WIPI2: variants seen among roughly 807,000 people sequenced by gnomAD.
The protein encoded by WIPI2 is WD repeat domain phosphoinositide-interacting protein 2.
Under a neutral mutation model 52.3 loss-of-function variants are expected in WIPI2, and 28 were observed. The ratio of observed to expected loss-of-function variants is 0.54; its 90% CI spans 0.40 to 0.73. The LOEUF (loss-of-function observed/expected upper bound fraction) is 0.73, where lower values mean the gene tolerates loss of function less well. Among genes scored for constraint, WIPI2 ranks in the 30% least tolerant of loss-of-function variants. The pLI is 0.00. For missense variants in WIPI2, 506 were observed against 602.9 expected, an observed-to-expected ratio of 0.84 and a Z score of 1.68; for synonymous variants, 268 against 245.0, an observed-to-expected ratio of 1.09 and a Z score of -0.88.
At chr7:5,212,568 CTT>C (rs1782609761) in intron 3 of WIPI2, among the ~76,000 whole-genome samples, 2 of 152,220 alleles carry the variant, frequency 1.3e-5, no homozygotes, top group South Asian at 4.1e-4. Flanking sequence ...GGGTCTCGCT[CTT>C]TTGCCCAGGC....
intron 8 of WIPI2, among the ~76,000 whole-genome samples, chr7:5,223,458 A>T (rs1245268926): frequency 2.0e-5 from 3 of 152,048 alleles, no homozygotes; most frequent in Non-Finnish European, 2.9e-5. Context: ...GGTGCACCTC[A>T]GTATCCCCAA....
intron 3 of WIPI2, chr7:5,214,046 C>G (rs577346056): frequency 5.2e-4 from 121 of 230,602 alleles, no homozygotes; most frequent in Non-Finnish European, 8.9e-4. Flanking sequence ...ATAGCGACAT[C>G]TTTTTAATAA....
Position 5,190,367 on chromosome 7 carries a change from C to T in WIPI2, c.-53C>T, listed in dbSNP as rs932431860. 4.7e-6 allele frequency: 6 copies of T among 1,276,232 alleles called. No homozygotes were observed. The highest frequency in any genetic ancestry group is 3.4e-5 in the East Asian group (1 of 29,624). 79.1% of individuals were successfully genotyped at this position (1,276,232 alleles called of 1,614,324 possible). A position where few individuals can be genotyped will look rare whatever the true frequency, so the allele number is the denominator to read the frequency against. On this transcript the variant is annotated 5_prime_UTR_variant, in exon 1 of 13. Coordinates refer to ENST00000288828, the MANE Select transcript of WIPI2 (RefSeq NM_015610.4). Reference sequence around the variant, plus strand: ...CGCCGACCCTGAGTGCAGCCTGACCCGCCCTCGCGCGCGCGCCCTCCCCGG... The same window carrying T: ...CGCCGACCCTGAGTGCAGCCTGACCTGCCCTCGCGCGCGCGCCCTCCCCGG...
chr7:5,203,626 T>A (rs1197539623), intron 3 of WIPI2, among the ~76,000 whole-genome samples: 1 of 14,180 alleles, frequency 7.1e-5, no homozygotes, highest in Non-Finnish European at 2.7e-4. Context: ...ACGTTCAGCC[T>A]TTTTTTTTTT....
chr7:5,197,154 A>T (rs1382784954), intron 2 of WIPI2, among the ~76,000 whole-genome samples: 1 of 150,898 alleles, frequency 6.6e-6, no homozygotes, highest in African/African-American at 2.4e-5. Context: ...AAACCATAAA[A>T]TAAATAAACT....
At chr7:5,217,814 T>C (rs1241721315) in intron 6 of WIPI2, 108 bp from the exon 7 acceptor site, 7 of 1,041,234 alleles carry the variant, frequency 6.7e-6, no homozygotes, top group Non-Finnish European at 9.0e-6. Context: ...GTTTGGACCG[T>C]AATGGTGTTT....
chr7:5,201,251 G>T (rs375410333), intron 3 of WIPI2, among the ~76,000 whole-genome samples: 101 of 152,352 alleles, frequency 6.6e-4, no homozygotes, highest in African/African-American at 2.4e-3. Flanking sequence ...TTAAATTGTT[G>T]CTGGAGTCAC....
chr7:5,227,470 G>A lies in WIPI2; in HGVS notation c.1013+126G>A, dbSNP rs542272587. Reference sequence around the variant, plus strand: ...AGCTTCTTAGAGCCGACACTCCATCGAGAGTTGTCGGGGATGGGAGGTCCC... The same window carrying A: ...AGCTTCTTAGAGCCGACACTCCATCAAGAGTTGTCGGGGATGGGAGGTCCC... On this transcript the variant is annotated intron_variant, in intron 10 of 12. Transcript: ENST00000288828. The surrounding 1 kb of genome is among the most constrained non-coding windows in gnomAD (Gnocchi z 8.1). 16 of 1,333,916 alleles carry A rather than the reference G, an allele frequency of 1.2e-5. No homozygotes were observed. In the South Asian group the frequency reaches 1.5e-4, roughly 12 times the overall value. The allele number at this position is 1,333,916 out of a possible 1,614,324, so 82.6% of individuals were successfully genotyped here. A position where few individuals can be genotyped will look rare whatever the true frequency, so the allele number is the denominator to read the frequency against.
rs1491522716 is a variant in WIPI2 at position 5,230,119 on chromosome 7, CTG to C, written c.1252+382_1252+383del. ...AAATGTCATCCTGGCTCAGGTGACTCTGGGGTCACGTGACTTGGGCCCAGACT... is the reference window on the plus strand; with the variant it reads ...AAATGTCATCCTGGCTCAGGTGACTCGGGTCACGTGACTTGGGCCCAGACT... On this transcript the variant is annotated intron_variant, in intron 12 of 12. Transcript: ENST00000288828. The surrounding 1 kb of genome is among the most constrained non-coding windows in gnomAD (Gnocchi z 4.8). Among the ~76,000 whole-genome samples, 5 of 152,088 alleles carry C rather than the reference CTG, an allele frequency of 3.3e-5. No individual in the cohort carries two copies. The highest frequency in any genetic ancestry group is 7.4e-5 in the Non-Finnish European group (5 of 67,994).
chr7:5,206,703 C>T (rs182093530), intron 3 of WIPI2, among the ~76,000 whole-genome samples: 32 of 152,260 alleles, frequency 2.1e-4, no homozygotes. Context: ...CACTTAGATT[C>T]TTCCCTTGAC....
At chr7:5,211,712 G>A (rs551390742) in intron 3 of WIPI2, among the ~76,000 whole-genome samples, 1 of 152,146 alleles carries the variant, frequency 6.6e-6, no homozygotes, top group African/African-American at 2.4e-5. Flanking sequence ...CCAGTTTTGT[G>A]TATACCAGGT....
chr7:5,201,410 T>C (rs1311664381), intron 3 of WIPI2, among the ~76,000 whole-genome samples: 1 of 152,260 alleles, frequency 6.6e-6, no homozygotes, highest in Non-Finnish European at 1.5e-5. Context: ...TCCCAGAGAT[T>C]TTTAGTGGAA....
At position 5,232,350 on chromosome 7, in the gene WIPI2, C is replaced by T. The variant is rs150821649; in HGVS notation, c.*1403C>T. 81 of 398,616 alleles carry T rather than the reference C, an allele frequency of 2.0e-4. No individual in the cohort carries two copies. The highest frequency in any genetic ancestry group is 2.0e-3 in the East Asian group (57 of 28,076). The allele number at this position is 398,616 out of a possible 1,614,324, so 24.7% of individuals were successfully genotyped here. ...AGCTGAGCGGCTGCGGTGAAATGCC[C>T]CAGTGTTCCTGGGTTGGCTTTACGG... On this transcript the variant is annotated 3_prime_UTR_variant, in exon 13 of 13. Coordinates refer to ENST00000288828, the MANE Select transcript of WIPI2 (RefSeq NM_015610.4).
intron 10 of WIPI2, 66 bp from the exon 11 acceptor site, chr7:5,228,038 C>T: frequency 6.6e-7 from 1 of 1,507,912 alleles, no homozygotes; most frequent in Non-Finnish European, 9.2e-7. Context: ...AAAAGTGAGG[C>T]CGCCATGTAG....
At position 5,230,687 on chromosome 7, in the gene WIPI2, A is replaced by T; in HGVS notation, c.1253-148A>T. 1.9e-6 allele frequency: 1 copy of T among 514,682 alleles called. No homozygotes were observed. Among genetic ancestry groups the T allele is most frequent in the Non-Finnish European group, 3.4e-6 (1 of 297,160 alleles). The allele number at this position is 514,682 out of a possible 1,614,324, so 31.9% of individuals were successfully genotyped here. A position where few individuals can be genotyped will look rare whatever the true frequency, so the allele number is the denominator to read the frequency against. On this transcript the variant is annotated intron_variant, in intron 12 of 12. Transcript: ENST00000288828. This position sits in a 1 kb window ranked among gnomAD's most constrained non-coding sequence, Gnocchi z 4.8. Reference sequence around the variant, plus strand: ...TGCCTAAGGCTGCAAAGAGTTCATTAGAAAGCAATCAGAATTCAGAACGTC... The same window carrying T: ...TGCCTAAGGCTGCAAAGAGTTCATTTGAAAGCAATCAGAATTCAGAACGTC...
At chr7:5,199,192 A>G (rs751615968) in intron 2 of WIPI2, among the ~76,000 whole-genome samples, 1 of 151,832 alleles carries the variant, frequency 6.6e-6, no homozygotes, top group Non-Finnish European at 1.5e-5. Flanking sequence ...CACCATGCCT[A>G]GCTAATTGTT....
rs1416953378 is a variant in WIPI2 at position 5,201,542 on chromosome 7, A to G, written c.211+1884A>G. Among the ~76,000 whole-genome samples, 8 of 152,188 alleles carry G rather than the reference A, an allele frequency of 5.3e-5. No homozygotes were observed. The East Asian group carries it at 1.5e-3, about 29-fold the overall frequency. On this transcript the variant is annotated intron_variant, in intron 3 of 12. Coordinates refer to ENST00000288828, the MANE Select transcript of WIPI2 (RefSeq NM_015610.4). ...GCAGATCACATGAGGCCAGGAGTTGAAGACGAGCCTGGCCAACATGGCAAA... is the reference window on the plus strand; with the variant it reads ...GCAGATCACATGAGGCCAGGAGTTGGAGACGAGCCTGGCCAACATGGCAAA...
chr7:5,226,875 T>C (rs978087833), intron 9 of WIPI2: 16 of 302,198 alleles, frequency 5.3e-5, no homozygotes, highest in Non-Finnish European at 9.2e-5. Flanking sequence ...GGGTCATCAG[T>C]TAGGCCCTAG....
At chr7:5,221,057 G>T (rs1583581929) in intron 7 of WIPI2, among the ~76,000 whole-genome samples, 1 of 149,888 alleles carries the variant, frequency 6.7e-6, no homozygotes, top group East Asian at 2.0e-4. Context: ...TCCGCCTCCT[G>T]GGTTCAAGCG....
Sources: allele counts gnomAD v4.1 joint callset (sites outside exome capture counted in the v4.1 genomes callset), GRCh38; gene constraint gnomAD v4.1.1; non-coding constraint Gnocchi (gnomAD v3.1); transcripts MANE v1.5; gene names NCBI Gene and HGNC (gene_info 2026-07-23, HGNC 2026-07-21).